The following WNT2 variants were observed in gnomAD, a reference collection of about 807,000 sequenced individuals.
WNT2 encodes the protein Wnt family member 2.
A neutral mutation model predicts 36.9 loss-of-function variants in WNT2; 12 were observed. The ratio of observed to expected loss-of-function variants is 0.33; its 90% CI spans 0.21 to 0.53. The LOEUF is 0.53. Ranked by LOEUF, WNT2 falls within the 20% of genes least tolerant of loss-of-function variation. The probability of loss-of-function intolerance (pLI) is 0.95; values close to 1 mark genes in which losing one functional copy is unlikely to be tolerated. For synonymous variants in WNT2, 163 were observed against 174.6 expected (o/e 0.93, Z 0.52); for missense variants, 379 against 473.1 (o/e 0.80, Z 1.84).
At chr7:117,278,504 C>G in intron 4 of WNT2, 120 bp from the exon 5 acceptor site, 1 of 985,892 alleles carries the variant, frequency 1.0e-6, no homozygotes, top group Non-Finnish European at 1.5e-6. Context: ...TTCCTACAGC[C>G]TGGGGCTGTT....
At chr7:117,279,094 CTG>C (rs754653469) in intron 4 of WNT2, among the ~76,000 whole-genome samples, 1 of 152,216 alleles carries the variant, frequency 6.6e-6, no homozygotes. Flanking sequence ...CATAGAAAAT[CTG>C]CCAGGAATTA....
intron 3 of WNT2, among the ~76,000 whole-genome samples, chr7:117,306,458 T>G (rs1190532814): frequency 6.6e-6 from 1 of 152,240 alleles, no homozygotes; most frequent in Non-Finnish European, 1.5e-5. Context: ...ACTTGCTGCC[T>G]CTTGCTAATG....
rs1053319036 is a variant in WNT2, at chr7:117,320,787, C to T, written c.90G>A (p.Met30Ile). Reference sequence around the variant, plus strand: ...CCCTGGAGGAGCCACCTGTAGCTCTCATGTACCTATAAGGGACCAACCAAC... The same window carrying T: ...CCCTGGAGGAGCCACCTGTAGCTCTTATGTACCTATAAGGGACCAACCAAC... ...TPEVNSSWWYMRATGGSSRVM... is the reference protein window; with the variant it reads ...TPEVNSSWWYIRATGGSSRVM... The change falls in exon 2 of 5, where the codon ATG becomes ATA. Residue 30 changes from methionine to isoleucine, a missense_variant. Met to Ile is a conservative substitution (Grantham distance 10). Coordinates refer to ENST00000265441, the MANE Select transcript of WNT2 (RefSeq NM_003391.3). 1 of 1,609,300 alleles carries T rather than the reference C, an allele frequency of 6.2e-7. No homozygotes were observed. Among genetic ancestry groups the T allele is most frequent in the South Asian group, 1.1e-5 (1 of 90,194 alleles).
chr7:117,300,236 G>T (rs1377891974), intron 3 of WNT2, among the ~76,000 whole-genome samples: 2 of 152,106 alleles, frequency 1.3e-5, no homozygotes, highest in African/African-American at 4.8e-5. Flanking sequence ...TGCCAGGGTG[G>T]AGTGCAGTGG....
At chr7:117,315,031 C>A (rs375247356) in intron 3 of WNT2, 40 bp downstream of exon 3, 2 of 1,604,052 alleles carry the variant, frequency 1.2e-6, no homozygotes, top group Non-Finnish European at 1.7e-6. Flanking sequence ...GTTTATAAAG[C>A]CATGCAGCCT....
intron 4 of WNT2, among the ~76,000 whole-genome samples, chr7:117,293,375 C>T (rs1159416550): frequency 6.6e-6 from 1 of 152,070 alleles, no homozygotes; most frequent in East Asian, 1.9e-4. Flanking sequence ...AATGTTCAAC[C>T]TGCTCACCAC....
At chr7:117,296,130 G>T (rs1455987593) in intron 4 of WNT2, among the ~76,000 whole-genome samples, 2 of 152,158 alleles carry the variant, frequency 1.3e-5, no homozygotes, top group Non-Finnish European at 2.9e-5. Flanking sequence ...CTGGTAGAGG[G>T]GGGTCAGACC....
chr7:117,287,799 C>A (rs1027621635), intron 4 of WNT2, among the ~76,000 whole-genome samples: 11 of 151,988 alleles, frequency 7.2e-5, no homozygotes, highest in Non-Finnish European at 1.3e-4. Context: ...ACCAGCCTGG[C>A]CAACATGGTG....
rs545786786 is a variant in WNT2 at position 117,315,175 on chromosome 7, C to A, written c.484G>T (p.Asp162Tyr). 1 of 1,614,150 alleles carries A rather than the reference C, an allele frequency of 6.2e-7. No individual in the cohort carries two copies. Among genetic ancestry groups the A allele is most frequent in the East Asian group, 2.2e-5 (1 of 44,880 alleles). Residue 162 changes from aspartate to tyrosine, a missense_variant, in exon 3 of 5, where the codon GAC (aspartate) becomes TAC (tyrosine). Transcript: ENST00000265441. ...FDWGGCSDNIDYGIKFARAFV... is the reference protein window; with the variant it reads ...FDWGGCSDNIYYGIKFARAFV... ...GCGCGGGCAAATTTGATCCCATAGT[C>A]AATGTTATCACTGCAGCCACCCCAA...
At chr7:117,311,432 G>C (rs532594902) in intron 3 of WNT2, among the ~76,000 whole-genome samples, 1 of 152,274 alleles carries the variant, frequency 6.6e-6, no homozygotes, top group South Asian at 2.1e-4. Flanking sequence ...CCAGGATCTA[G>C]TACTTCATGA....
At position 117,278,238 on chromosome 7, in the gene WNT2, C is replaced by T. The variant is rs1253004521; in HGVS notation, c.1000G>A (p.Val334Met). 13 of 1,614,106 alleles carry T rather than the reference C, an allele frequency of 8.1e-6. No individual in the cohort carries two copies. The highest frequency in any genetic ancestry group is 1.6e-4 in the Middle Eastern group (1 of 6,084). ...GCTTCCAGGCAGTCCTGACAGCGCA[C>T]GGCGCAGCACCAGTGGAACTTACAC... is the stretch of plus-strand genomic sequence containing the variant. The part of the protein sequence containing the change: ...CGCKFHWCCA[V>M]RCQDCLEALD... The change falls in exon 5 of 5, where the codon GTG becomes ATG. Residue 334 changes from valine to methionine, a missense_variant. Val to Met is a conservative substitution (Grantham distance 21, BLOSUM62 1). Coordinates refer to ENST00000265441, the MANE Select transcript of WNT2 (RefSeq NM_003391.3).
At chr7:117,316,166 C>T (rs559688788) in intron 2 of WNT2, among the ~76,000 whole-genome samples, 2 of 152,250 alleles carry the variant, frequency 1.3e-5, no homozygotes, top group African/African-American at 4.8e-5. Flanking sequence ...GGGCAAGAAC[C>T]CTTTGGGGTG....
intron 3 of WNT2, among the ~76,000 whole-genome samples, chr7:117,308,221 T>G (rs897914606): frequency 6.6e-6 from 1 of 152,244 alleles, no homozygotes; most frequent in Non-Finnish European, 1.5e-5. Flanking sequence ...GATTTGCTTA[T>G]GCAAACATTT....
intron 4 of WNT2, among the ~76,000 whole-genome samples, chr7:117,286,102 A>G (rs1172090052): frequency 6.6e-6 from 1 of 152,208 alleles, no homozygotes; most frequent in Non-Finnish European, 1.5e-5. Context: ...TGACTCGCAC[A>G]AGAGCTCACA....
chr7:117,281,404 AT>A (rs1794487068), intron 4 of WNT2, among the ~76,000 whole-genome samples: 1 of 151,922 alleles, frequency 6.6e-6, no homozygotes, highest in Non-Finnish European at 1.5e-5. Flanking sequence ...CATCCAGCTA[AT>A]TTTTGTATCT....
rs1188662225 is a variant in WNT2 at position 117,284,009 on chromosome 7, TC to T, written c.854-5626del. Among the ~76,000 whole-genome samples, 5 of 151,936 alleles carry T rather than the reference TC, an allele frequency of 3.3e-5. No homozygotes were observed. The highest frequency in any genetic ancestry group is 9.7e-5 in the African/African-American group (4 of 41,286). ...GGGCCAACTGGGCGGGAAAGGGCAG[TC>T]CCTGCAGCTGGAAGGGAGGATGAGG... On this transcript the variant is annotated intron_variant, in intron 4 of 4. Coordinates refer to ENST00000265441, the MANE Select transcript of WNT2 (RefSeq NM_003391.3). The surrounding 1 kb of genome is among the most constrained non-coding windows in gnomAD (Gnocchi z 5.2).
chr7:117,288,790 A>G (rs1378545918), intron 4 of WNT2, among the ~76,000 whole-genome samples: 3 of 152,182 alleles, frequency 2.0e-5, no homozygotes, highest in African/African-American at 7.2e-5. Flanking sequence ...ATTAAGGCAC[A>G]TTTTAGTGTA....
chr7:117,276,509 A>G lies in WNT2; in HGVS notation c.*1646T>C, dbSNP rs1327378974. The G allele has an allele frequency of 1.3e-5, 2 of 152,230 alleles. No homozygotes were observed. Among genetic ancestry groups the G allele is most frequent in the African/African-American group, 4.8e-5 (2 of 41,462 alleles). 9.4% of individuals were successfully genotyped at this position (152,230 alleles called of 1,614,324 possible). On this transcript the variant is annotated 3_prime_UTR_variant, in exon 5 of 5. Transcript: ENST00000265441. Reference sequence around the variant, plus strand: ...TGAGGGAAAGGGGATGAATTCTGACATTTTTAAGAGGGCTGGAGGCAAATG... The same window carrying G: ...TGAGGGAAAGGGGATGAATTCTGACGTTTTTAAGAGGGCTGGAGGCAAATG...
chr7:117,299,189 G>A (rs900741838), intron 3 of WNT2, among the ~76,000 whole-genome samples: 1 of 152,172 alleles, frequency 6.6e-6, no homozygotes, highest in African/African-American at 2.4e-5. Flanking sequence ...TATTATGAGT[G>A]TTTGGTAGGA....
Sources: gnomAD v4.1 joint callset for allele counts (sites outside exome capture counted in the v4.1 genomes callset) on GRCh38, gnomAD v4.1.1 for gene constraint, Gnocchi (gnomAD v3.1) non-coding constraint, MANE v1.5 for transcripts, NCBI Gene and HGNC (gene_info 2026-07-23, HGNC 2026-07-21) for gene names.